Variants in FMO1 observed in about 807,000 individuals in gnomAD.
FMO1 encodes flavin-containing monooxygenase 1.
A neutral mutation model predicts 45.4 loss-of-function variants in FMO1; 36 were observed. The observed-to-expected ratio is 0.79, with a 90% CI of 0.61 to 1.05. The LOEUF is 1.05. Among genes scored for constraint, FMO1 ranks in the 50% least tolerant of loss-of-function variants. FMO1 has a pLI of 0.00. For missense variants in FMO1, 615 were observed against 640.3 expected (o/e 0.96, Z 0.43); for synonymous variants, 228 against 227.2 (o/e 1.00, Z -0.03).
At chr1:171,283,095 C>G (rs1403478772) in intron 7 of FMO1, 49 bp from the exon 8 acceptor site, 1 of 958,690 alleles carries the variant, frequency 1.0e-6, no homozygotes, top group Non-Finnish European at 1.7e-6. Context: ...AAGTCAACAG[C>G]TAGACCTAAA....
At chr1:171,270,782 A>G (rs1260786830) in intron 3 of FMO1, 2 of 857,158 alleles carry the variant, frequency 2.3e-6, no homozygotes, top group African/African-American at 3.5e-5. Context: ...GGAGAGGGCT[A>G]TCTAAAGACA....
Position 171,282,067 on chromosome 1 carries a change from T to C in FMO1, c.917T>C (p.Val306Ala). ...KVFIRPSIKE[V>A]KENSVIFNNT... ...TTCATCAGGCCAAGCATAAAAGAGG[T>C]AAAGGAAAACTCTGTCATATTTAAC... Residue 306 changes from valine (V) to alanine (A), a missense_variant, in exon 7 of 9, where the codon GTA (valine) becomes GCA (alanine). Coordinates refer to ENST00000617670, the MANE Select transcript of FMO1 (RefSeq NM_001282693.2). The C allele has an allele frequency of 1.2e-6, 2 of 1,613,790 alleles. No homozygotes were observed. The highest frequency in any genetic ancestry group is 1.1e-5 in the South Asian group (1 of 91,056).
At position 171,278,754 on chromosome 1, in the gene FMO1, C is replaced by T. The variant is rs369942179; in HGVS notation, c.510C>T (p.Tyr170=). Reference sequence around the variant, plus strand: ...GTATTAATGCCTTTAAAGGCCAGTACTTTCATAGCCGGCAATATAAGCATC... The same window carrying T: ...GTATTAATGCCTTTAAAGGCCAGTATTTTCATAGCCGGCAATATAAGCATC... ...FPGINAFKGQ[Y]FHSRQYKHPD... The change falls in exon 5 of 9, where the codon TAC becomes TAT. Residue 170 remains tyrosine, a synonymous_variant. Transcript: ENST00000617670. The T allele has an allele frequency of 3.7e-6, 6 of 1,609,270 alleles. No homozygotes were observed. Among genetic ancestry groups the T allele is most frequent in the Non-Finnish European group, 2.5e-6 (3 of 1,176,474 alleles).
chr1:171,284,349 G>A (rs953705362), intron 8 of FMO1, among the ~76,000 whole-genome samples: 3 of 151,942 alleles, frequency 2.0e-5, no homozygotes, highest in Non-Finnish European at 4.4e-5. Flanking sequence ...CCTCAACCTG[G>A]GATATGATTT....
chr1:171,270,954 T>C (rs1660832131), intron 3 of FMO1: 1 of 850,986 alleles, frequency 1.2e-6, no homozygotes, highest in Non-Finnish European at 1.9e-6. Flanking sequence ...AACCAACTTA[T>C]TCATCATCTT....
At chr1:171,283,669 C>T (rs1661489262) in intron 8 of FMO1, among the ~76,000 whole-genome samples, 1 of 152,048 alleles carries the variant, frequency 6.6e-6, no homozygotes, top group Non-Finnish European at 1.5e-5. Context: ...CGGAGTGTGG[C>T]TTTTGCTCTT....
chr1:171,268,367 G>A (rs1660708539), intron 3 of FMO1, among the ~76,000 whole-genome samples: 1 of 152,224 alleles, frequency 6.6e-6, no homozygotes, highest in African/African-American at 2.4e-5. Context: ...TTACAGGCAT[G>A]AGCCACTGCT....
At chr1:171,270,354 G>A (rs1250016873) in intron 3 of FMO1, among the ~76,000 whole-genome samples, 1 of 152,156 alleles carries the variant, frequency 6.6e-6, no homozygotes, top group Non-Finnish European at 1.5e-5. Flanking sequence ...GATATGCAGG[G>A]TGTGTAGACA....
chr1:171,271,326 C>T (rs368342879), intron 3 of FMO1: 2 of 1,341,756 alleles, frequency 1.5e-6, no homozygotes, highest in Non-Finnish European at 1.0e-6. Context: ...GATCCTTGAA[C>T]TTCTTTTTTG....
At chr1:171,280,140 A>T (rs1283194588) in intron 5 of FMO1, among the ~76,000 whole-genome samples, 2 of 152,234 alleles carry the variant, frequency 1.3e-5, no homozygotes, top group Non-Finnish European at 2.9e-5. Flanking sequence ...TAACTAATAT[A>T]TACTAGTTGC....
At position 171,285,772 on chromosome 1, in the gene FMO1, T is replaced by C; in HGVS notation, c.*228T>C. 2.8e-6 allele frequency: 1 copy of C among 356,578 alleles called. No individual in the cohort carries two copies. The highest frequency in any genetic ancestry group is 5.0e-6 in the Non-Finnish European group (1 of 200,586). 22.1% of individuals were successfully genotyped at this position (356,578 alleles called of 1,614,324 possible). ...AAGACTTCTGTGCATTTGAAGGTTG[T>C]TGGAAAGTTACAGGTTCATTTTAGA... On this transcript the variant is annotated 3_prime_UTR_variant, in exon 9 of 9. Coordinates refer to ENST00000617670, the MANE Select transcript of FMO1 (RefSeq NM_001282693.2).
At chr1:171,277,559 CCA>C (rs554890780) in intron 4 of FMO1, among the ~76,000 whole-genome samples, 152 of 152,246 alleles carry the variant, frequency 1.0e-3, no homozygotes, top group Non-Finnish European at 2.0e-3. Context: ...TAAGAGACAG[CCA>C]CAGAGTCTCA....
At chr1:171,277,792 G>A (rs146055162) in intron 4 of FMO1, among the ~76,000 whole-genome samples, 7 of 152,236 alleles carry the variant, frequency 4.6e-5, no homozygotes, top group Non-Finnish European at 8.8e-5. Flanking sequence ...TTTTAACTTG[G>A]ATTCGTGTTA....
chr1:171,282,979 A>C (rs1401637370), intron 7 of FMO1, 165 bp from the exon 8 acceptor site: 2 of 512,898 alleles, frequency 3.9e-6, no homozygotes, highest in South Asian at 3.4e-5. Context: ...TATTACCAGG[A>C]GCATACAACC....
At chr1:171,257,855 G>C (rs1336445319) in intron 1 of FMO1, 1 of 499,432 alleles carries the variant, frequency 2.0e-6, no homozygotes, top group Admixed American at 3.2e-5. Flanking sequence ...ACAACTGTAC[G>C]AACATTTGGC....
chr1:171,284,717 G>A (rs1431680013), intron 8 of FMO1, among the ~76,000 whole-genome samples: 6 of 140,444 alleles, frequency 4.3e-5, no homozygotes, highest in Admixed American at 3.0e-4. Context: ...AGGTGACAGA[G>A]CAAGACCTTG....
chr1:171,253,564 C>G (rs1358839716), intron 1 of FMO1, among the ~76,000 whole-genome samples: 2 of 152,010 alleles, frequency 1.3e-5, no homozygotes, highest in Non-Finnish European at 1.5e-5. Flanking sequence ...GAGTTCGAGA[C>G]CAGCCTAACC....
At chr1:171,267,803 C>G (rs893670639) in intron 3 of FMO1, 72 bp downstream of exon 3, 4 of 1,206,830 alleles carry the variant, frequency 3.3e-6, no homozygotes, top group Non-Finnish European at 4.7e-6. Context: ...TCCAGCCTAG[C>G]CCTGGGCTCT....
At chr1:171,267,090 G>GC (rs1213503576) in intron 2 of FMO1, among the ~76,000 whole-genome samples, 1 of 152,218 alleles carries the variant, frequency 6.6e-6, no homozygotes, top group Non-Finnish European at 1.5e-5. Flanking sequence ...AGCTATCATT[G>GC]CCTCTGCTCA....
Sources: gnomAD v4.1 joint callset for allele counts (sites outside exome capture counted in the v4.1 genomes callset) on GRCh38, gnomAD v4.1.1 for gene constraint, MANE v1.5 for transcripts, NCBI Gene and HGNC (gene_info 2026-07-23, HGNC 2026-07-21) for gene names.